Variants in SGCZ observed in about 807,000 individuals in gnomAD.
SGCZ encodes sarcoglycan zeta.
SGCZ carries 40 observed loss-of-function variants against 41.3 expected under a neutral mutation model. That is an observed-to-expected ratio of 0.97 (90% CI 0.75 to 1.26). The LOEUF (loss-of-function observed/expected upper bound fraction) is 1.26. Ranked by LOEUF, SGCZ falls within the 50% of genes most tolerant of loss-of-function variation. The pLI is 0.00. For synonymous variants in SGCZ, 206 were observed against 137.5 expected (o/e 1.50, Z -3.49); for missense variants, 552 against 369.8 (o/e 1.49, Z -4.04).
At chr8:14,355,011 T>G (rs1237394485) in intron 2 of SGCZ, among the ~76,000 whole-genome samples, 1 of 151,950 alleles carries the variant, frequency 6.6e-6, no homozygotes, top group African/African-American at 2.4e-5. Flanking sequence ...ATTACAGAAG[T>G]TTTTCAATTT....
intron 1 of SGCZ, among the ~76,000 whole-genome samples, chr8:14,907,256 G>A (rs923761919): frequency 3.9e-5 from 6 of 152,176 alleles, no homozygotes; most frequent in South Asian, 2.1e-4. Flanking sequence ...GTAGAATGGC[G>A]TAATCATGGC....
chr8:14,422,601 C>T (rs1222269485), intron 2 of SGCZ, among the ~76,000 whole-genome samples: 1 of 152,120 alleles, frequency 6.6e-6, no homozygotes, highest in African/African-American at 2.4e-5. Context: ...TAAAACAATG[C>T]CTTGTATAAA....
At chr8:14,860,754 G>GAAAGAAA (rs1446764655) in intron 1 of SGCZ, among the ~76,000 whole-genome samples, 1 of 151,280 alleles carries the variant, frequency 6.6e-6, no homozygotes, top group African/African-American at 2.4e-5. Flanking sequence ...AAGTAAGTGA[G>GAAAGAAA]GGAGGGAGGG....
At chr8:14,289,599 G>T (rs552132303) in intron 3 of SGCZ, among the ~76,000 whole-genome samples, 11 of 152,028 alleles carry the variant, frequency 7.2e-5, no homozygotes, top group Non-Finnish European at 7.4e-5. Flanking sequence ...CTATTTTTAT[G>T]CCAGTAACAT....
intron 1 of SGCZ, among the ~76,000 whole-genome samples, chr8:14,988,047 T>G (rs1801883872): frequency 6.6e-6 from 1 of 151,974 alleles, no homozygotes; most frequent in Non-Finnish European, 1.5e-5. Context: ...ATCCTCATGT[T>G]TAAGGTATAA....
At chr8:14,864,835 T>C (rs958316896) in intron 1 of SGCZ, among the ~76,000 whole-genome samples, 3 of 152,104 alleles carry the variant, frequency 2.0e-5, no homozygotes, top group Admixed American at 2.0e-4. Flanking sequence ...TCAGTGTTTG[T>C]TATTTTTGGT....
At chr8:14,289,344 C>G (rs1424466888) in intron 3 of SGCZ, among the ~76,000 whole-genome samples, 1 of 151,738 alleles carries the variant, frequency 6.6e-6, no homozygotes, top group Non-Finnish European at 1.5e-5. Context: ...AAACCATTGT[C>G]AAATCCAAAG....
chr8:14,229,340 A>G lies in SGCZ; in HGVS notation c.424+8252T>C, dbSNP rs377208697. Among the ~76,000 whole-genome samples, 7 of 152,056 alleles carry G rather than the reference A, an allele frequency of 4.6e-5. No individual in the cohort carries two copies. The East Asian group carries it at 5.8e-4, about 13-fold the overall frequency. ...TCACTAGTGTCTTTCCTTCAGACAT[A>G]ATTCTCATTACACCTGAGTTACAAA... On this transcript the variant is annotated intron_variant, in intron 4 of 7. Coordinates refer to ENST00000382080, the MANE Select transcript of SGCZ (RefSeq NM_139167.4).
intron 1 of SGCZ, among the ~76,000 whole-genome samples, chr8:15,046,708 C>T (rs909857696): frequency 3.9e-5 from 6 of 151,930 alleles, no homozygotes; most frequent in African/African-American, 1.4e-4. Context: ...TTGCTTCTAG[C>T]CCCTTTCAGC....
rs557652547 is a variant in SGCZ at position 14,489,413 on chromosome 8, G to C, written c.234+65319C>G. On this transcript the variant is annotated intron_variant, in intron 2 of 7. Coordinates refer to ENST00000382080, the MANE Select transcript of SGCZ (RefSeq NM_139167.4). ...TTATAAATATAATTCAAATAAGCAT[G>C]ACAATTTTACCAAATAGATTGACTT... Among the ~76,000 whole-genome samples, 13 of 151,716 alleles carry C rather than the reference G, an allele frequency of 8.6e-5. No homozygotes were observed. In the South Asian group the frequency reaches 2.7e-3, roughly 32 times the overall value.
At chr8:14,869,683 G>A (rs1445678111) in intron 1 of SGCZ, among the ~76,000 whole-genome samples, 1 of 152,156 alleles carries the variant, frequency 6.6e-6, no homozygotes, top group Non-Finnish European at 1.5e-5. Context: ...TGTATATTTA[G>A]AAAACCCCAT....
At chr8:14,431,135 A>G (rs1191647168) in intron 2 of SGCZ, among the ~76,000 whole-genome samples, 1 of 152,208 alleles carries the variant, frequency 6.6e-6, no homozygotes, top group Non-Finnish European at 1.5e-5. Context: ...TACAAATTCA[A>G]TGCAATTGCC....
intron 1 of SGCZ, among the ~76,000 whole-genome samples, chr8:14,918,057 C>A (rs978280183): frequency 1.3e-5 from 2 of 151,988 alleles, no homozygotes; most frequent in African/African-American, 4.8e-5. Flanking sequence ...AGTAGCAAAG[C>A]CAAGACTTCT....
intron 1 of SGCZ, among the ~76,000 whole-genome samples, chr8:15,107,591 T>C (rs912386364): frequency 2.6e-5 from 4 of 152,172 alleles, no homozygotes; most frequent in African/African-American, 7.2e-5. Flanking sequence ...AGCCAAGCAA[T>C]TGCCAGCACC....
At chr8:14,365,759 G>A (rs190787555) in intron 2 of SGCZ, among the ~76,000 whole-genome samples, 1 of 151,928 alleles carries the variant, frequency 6.6e-6, no homozygotes, top group Admixed American at 6.6e-5. Context: ...TGTCCATTTT[G>A]TTTTTCCAAA....
chr8:14,249,949 C>A (rs1799230920), intron 3 of SGCZ, among the ~76,000 whole-genome samples: 1 of 152,156 alleles, frequency 6.6e-6, no homozygotes, highest in Non-Finnish European at 1.5e-5. Context: ...AAGAATATGT[C>A]AGACCAAATA....
intron 1 of SGCZ, among the ~76,000 whole-genome samples, chr8:14,603,917 C>T (rs1470358567): frequency 6.6e-6 from 1 of 151,898 alleles, no homozygotes; most frequent in African/African-American, 2.4e-5. Context: ...ATGCTTGACC[C>T]GCTGATCTTG....
chr8:14,679,876 T>A (rs1406571052), intron 1 of SGCZ, among the ~76,000 whole-genome samples: 1 of 151,486 alleles, frequency 6.6e-6, no homozygotes, highest in Non-Finnish European at 1.5e-5. Context: ...TCTTTGATAC[T>A]ATATATTTTT....
At chr8:15,172,335 T>C (rs1799866282) in intron 1 of SGCZ, among the ~76,000 whole-genome samples, 1 of 151,018 alleles carries the variant, frequency 6.6e-6, no homozygotes, top group Admixed American at 6.6e-5. Context: ...CTAATTTTTG[T>C]ATTTTTAGTA....
Sources: allele counts gnomAD v4.1 joint callset (sites outside exome capture counted in the v4.1 genomes callset), GRCh38; gene constraint gnomAD v4.1.1; transcripts MANE v1.5; gene names NCBI Gene and HGNC (gene_info 2026-07-23, HGNC 2026-07-21).